The following MRTFA variants were observed in gnomAD, a reference collection of about 807,000 sequenced individuals.
MRTFA encodes the protein myocardin related transcription factor A.
A neutral mutation model predicts 83.5 loss-of-function variants in MRTFA; 20 were observed. That is an observed-to-expected ratio of 0.24 (90% confidence interval 0.17 to 0.35). MRTFA has a LOEUF of 0.35. Ranked by LOEUF, MRTFA falls within the 10% of genes least tolerant of loss-of-function variation. The probability of loss-of-function intolerance (pLI) is 1.00; values close to 1 mark genes in which losing one functional copy is unlikely to be tolerated. For missense variants in MRTFA, 1,200 were observed against 1,224.7 expected (o/e 0.98, Z 0.30); for synonymous variants, 659 against 541.2 (o/e 1.22, Z -3.02).
At chr22:40,568,129 T>C (rs1021128495) in intron 2 of MRTFA, among the ~76,000 whole-genome samples, 2 of 152,198 alleles carry the variant, frequency 1.3e-5, no homozygotes, top group Non-Finnish European at 2.9e-5. Flanking sequence ...TCTAAGCACC[T>C]ACCAGAGCCA....
intron 14 of MRTFA, among the ~76,000 whole-genome samples, chr22:40,415,816 C>T (rs2052666822): frequency 6.6e-6 from 1 of 152,112 alleles, no homozygotes; most frequent in Non-Finnish European, 1.5e-5. Context: ...CCCATGATGC[C>T]TACCTTCCGT....
At chr22:40,453,238 T>C (rs1436671364) in intron 4 of MRTFA, among the ~76,000 whole-genome samples, 1 of 152,200 alleles carries the variant, frequency 6.6e-6, no homozygotes, top group Non-Finnish European at 1.5e-5. Context: ...TCAACTACAA[T>C]TACACAGTCA....
intron 6 of MRTFA, among the ~76,000 whole-genome samples, chr22:40,430,576 C>T (rs2053047341): frequency 1.3e-5 from 2 of 151,738 alleles, no homozygotes; most frequent in Non-Finnish European, 2.9e-5. Flanking sequence ...TGTGGAAAGA[C>T]AGCTATGCGC....
intron 3 of MRTFA, among the ~76,000 whole-genome samples, chr22:40,497,235 C>T: frequency 6.6e-6 from 1 of 152,148 alleles, no homozygotes; most frequent in East Asian, 1.9e-4. Flanking sequence ...GGCACCTGCA[C>T]TGAAATCTAA....
rs557489243 is a variant in MRTFA at position 40,584,444 on chromosome 22, T to C, written c.-22+10230A>G. Among the ~76,000 whole-genome samples, 29 of 152,338 alleles carry C rather than the reference T, an allele frequency of 1.9e-4. No homozygotes were observed. The South Asian group carries it at 5.6e-3, about 29-fold the overall frequency. On this transcript the variant is annotated intron_variant, in intron 2 of 14. Coordinates refer to ENST00000355630, the MANE Select transcript of MRTFA (RefSeq NM_020831.6). ...CAGCACGTTATCTTGTCTTTCAAAA[T>C]GCTAAGTCTCAGGCAGGCGTGGTGG... is the stretch of plus-strand genomic sequence containing the variant.
chr22:40,417,717 G>T, intron 12 of MRTFA: 1 of 548,360 alleles, frequency 1.8e-6, no homozygotes, highest in Non-Finnish European at 3.2e-6. Context: ...CTTGAGGTTT[G>T]GGAGAGGTCT....
chr22:40,538,833 T>C (rs149925216), intron 3 of MRTFA, among the ~76,000 whole-genome samples: 285 of 152,182 alleles, frequency 1.9e-3, no homozygotes, highest in Middle Eastern at 0.01. Flanking sequence ...TTCAAGTTAA[T>C]AGCACTAAGG....
At chr22:40,608,514 T>C (rs2056345910) in intron 1 of MRTFA, among the ~76,000 whole-genome samples, 1 of 152,228 alleles carries the variant, frequency 6.6e-6, no homozygotes, top group Non-Finnish European at 1.5e-5. Context: ...CACCAGGTGC[T>C]GTAGATGTGA....
chr22:40,582,285 T>C (rs989973442), intron 2 of MRTFA, among the ~76,000 whole-genome samples: 44 of 152,226 alleles, frequency 2.9e-4, no homozygotes, highest in African/African-American at 1.0e-3. Context: ...TTCAACTGTA[T>C]AGATATACCA....
intron 2 of MRTFA, among the ~76,000 whole-genome samples, chr22:40,559,297 G>C (rs948929458): frequency 6.6e-6 from 1 of 152,094 alleles, no homozygotes; most frequent in Non-Finnish European, 1.5e-5. Context: ...GAGGTAAGAG[G>C]ATCACCTCGA....
rs148499728 is a variant in MRTFA, at chr22:40,485,308, T to G, written c.242-22022A>C. ...CACTAGTAGTTTCAGAAAAATGAATTTGATTTGTTTTACACACTGTGGGAC... is the reference window on the plus strand; with the variant it reads ...CACTAGTAGTTTCAGAAAAATGAATGTGATTTGTTTTACACACTGTGGGAC... On this transcript the variant is annotated intron_variant, in intron 3 of 14. Coordinates refer to ENST00000355630, the MANE Select transcript of MRTFA (RefSeq NM_020831.6). Among the ~76,000 whole-genome samples, 172 of 152,284 alleles carry G rather than the reference T, an allele frequency of 1.1e-3. 1 individual carries two copies. Among genetic ancestry groups the G allele is most frequent in the Admixed American group, 2.2e-3 (34 of 15,294 alleles).
chr22:40,493,886 C>T (rs2054309188), intron 3 of MRTFA, among the ~76,000 whole-genome samples: 1 of 152,184 alleles, frequency 6.6e-6, no homozygotes, highest in Admixed American at 6.5e-5. Flanking sequence ...GTGTTTAGGT[C>T]TCAGTTCTGT....
chr22:40,490,552 T>C (rs1055852388), intron 3 of MRTFA, among the ~76,000 whole-genome samples: 3 of 149,918 alleles, frequency 2.0e-5, no homozygotes, highest in Non-Finnish European at 4.4e-5. Context: ...TGAGCAGGGA[T>C]TGCGCCACTG....
chr22:40,505,253 C>T (rs1462377248), intron 3 of MRTFA, among the ~76,000 whole-genome samples: 3 of 152,122 alleles, frequency 2.0e-5, no homozygotes, highest in Non-Finnish European at 4.4e-5. Context: ...CTGTAGGGAT[C>T]GACATTTATG....
chr22:40,559,992 C>T (rs931596432), intron 2 of MRTFA, among the ~76,000 whole-genome samples: 1 of 152,164 alleles, frequency 6.6e-6, no homozygotes, highest in Admixed American at 6.5e-5. Flanking sequence ...CACACACACA[C>T]TTTACCAAAT....
At position 40,417,384 on chromosome 22, in the gene MRTFA, G is replaced by A. The variant is rs1270047534; in HGVS notation, c.2474C>T (p.Pro825Leu). The A allele has an allele frequency of 3.1e-6, 5 of 1,611,666 alleles. No homozygotes were observed. The African/African-American group carries it at 6.7e-5, about 22-fold the overall frequency. Residue 825 changes from proline (P) to leucine (L), a missense_variant, in exon 13 of 15, where the codon CCA becomes CTA. This residue lies in a region of MRTFA where 1,107 missense variants were observed against 1,041.8 expected (regional missense o/e 1.06). Transcript: ENST00000355630. ...GCTCATGGCTTCCTCATAGCCAGGTGGTTCCTTCTTCAGCAGAGAAGTGGG... is the reference window on the plus strand; with the variant it reads ...GCTCATGGCTTCCTCATAGCCAGGTAGTTCCTTCTTCAGCAGAGAAGTGGG...
intron 1 of MRTFA, among the ~76,000 whole-genome samples, chr22:40,623,269 T>A (rs1241497664): frequency 6.6e-6 from 1 of 152,218 alleles, no homozygotes; most frequent in Non-Finnish European, 1.5e-5. Context: ...CAAAGTTATG[T>A]AACACGGTGA....
At chr22:40,423,914 G>T (rs2052896877) in intron 8 of MRTFA, among the ~76,000 whole-genome samples, 1 of 152,200 alleles carries the variant, frequency 6.6e-6, no homozygotes, top group Non-Finnish European at 1.5e-5. Flanking sequence ...AAGAAAAACA[G>T]GCTGCTCCAA....
intron 4 of MRTFA, among the ~76,000 whole-genome samples, chr22:40,436,805 C>T (rs1490617476): frequency 6.6e-6 from 1 of 152,138 alleles, no homozygotes; most frequent in East Asian, 1.9e-4. Flanking sequence ...TGTGAAACTG[C>T]GAGCAGAGAT....
Sources: allele counts gnomAD v4.1 joint callset (sites outside exome capture counted in the v4.1 genomes callset), GRCh38; gene constraint gnomAD v4.1.1; regional missense constraint gnomAD v4.1.1; transcripts MANE v1.5; gene names NCBI Gene and HGNC (gene_info 2026-07-23, HGNC 2026-07-21).